Variants in PHF6 observed in about 807,000 individuals in gnomAD.
PHF6 encodes PHD-like zinc finger protein.
In PHF6, 7 loss-of-function variants were observed where a neutral mutation model predicts 34.0. The ratio of observed to expected loss-of-function variants is 0.21; its 90% CI spans 0.12 to 0.39. The LOEUF (loss-of-function observed/expected upper bound fraction) is 0.39. PHF6 is among the 10% of genes least tolerant of loss of function. The pLI is 1.00. For missense variants in PHF6, 128 were observed against 262.8 expected, an observed-to-expected ratio of 0.49 and a Z score of 3.55; for synonymous variants, 89 against 88.4, an observed-to-expected ratio of 1.01 and a Z score of -0.04.
At chrX:134,378,568 C>T (rs1209688625) in intron 3 of PHF6, among the ~76,000 whole-genome samples, 2 of 112,242 alleles carry the variant, frequency 1.8e-5, no homozygotes, top group African/African-American at 6.5e-5. Context: ...AGCTGTATAA[C>T]ACAACATTTA....
At chrX:134,397,819 T>A (rs1275145364) in intron 5 of PHF6, among the ~76,000 whole-genome samples, 1 of 111,713 alleles carries the variant, frequency 9.0e-6, no homozygotes, top group East Asian at 2.8e-4. Context: ...ATTAGATGGG[T>A]CTCTGCCCCA....
At chrX:134,380,429 C>T (rs781254424) in intron 3 of PHF6, among the ~76,000 whole-genome samples, 23 of 111,183 alleles carry the variant, frequency 2.1e-4, no homozygotes, top group Non-Finnish European at 3.0e-4. Flanking sequence ...CCACCGCGCC[C>T]GGCCTTGGAC....
chrX:134,378,645 C>T (rs377409239), intron 3 of PHF6, among the ~76,000 whole-genome samples: 1 of 112,513 alleles, frequency 8.9e-6, no homozygotes, highest in African/African-American at 3.2e-5. Flanking sequence ...GTAATGTTCC[C>T]GTAGTTGTCT....
intron 5 of PHF6, among the ~76,000 whole-genome samples, chrX:134,394,537 C>T (rs1467810969): frequency 2.8e-5 from 3 of 108,840 alleles, no homozygotes; most frequent in African/African-American, 1.0e-4. Flanking sequence ...TGTTTCATTT[C>T]TTTGTGTTTT....
Position 134,393,577 on chromosome X carries a change from A to G in PHF6, c.317A>G (p.His106Arg). 8.3e-7 allele frequency: 1 copy of G among 1,206,838 alleles called. No individual in the cohort carries two copies. The highest frequency in any genetic ancestry group is 1.1e-6 in the Non-Finnish European group (1 of 891,147). ...VKTCHRTYHYHCALHDKAQIR... is the reference protein window; with the variant it reads ...VKTCHRTYHYRCALHDKAQIR... ...ACATGTCACAGGACATACCACTACC[A>G]CTGTGCATTGCATGATAAAGCTCAA... The change falls in exon 4 of 11, where the codon CAC (histidine) becomes CGC (arginine). Residue 106 changes from histidine to arginine, a missense_variant. Transcript: ENST00000370803.
At chrX:134,419,056 T>C (rs1384974102) in intron 9 of PHF6, 1 of 111,199 alleles carries the variant, frequency 9.0e-6, no homozygotes, top group Non-Finnish European at 1.9e-5. Context: ...TTTGTTTTGT[T>C]GCCCAGACTG....
rs770524300 is a variant in PHF6 at position 134,408,230 on chromosome X, AAGGAT to A, written c.419-5260_419-5256del. Among the ~76,000 whole-genome samples, 144 of 112,806 alleles carry A rather than the reference AAGGAT, an allele frequency of 1.3e-3. 1 individual carries two copies. The highest frequency in any genetic ancestry group is 4.5e-3 in the African/African-American group (140 of 31,159). ...GGCGTGAGCCACTGCGTCCAGGCCT[AAGGAT>A]TTATCTATTAATAAAATTGGTTATA... On this transcript the variant is annotated intron_variant, in intron 5 of 10. Coordinates refer to ENST00000370803, the MANE Select transcript of PHF6 (RefSeq NM_001015877.2).
At chrX:134,384,075 A>T (rs1443172625) in intron 3 of PHF6, among the ~76,000 whole-genome samples, 1 of 112,040 alleles carries the variant, frequency 8.9e-6, no homozygotes, top group Admixed American at 9.5e-5. Flanking sequence ...AAATAAAAAG[A>T]CCATTTCCAC....
chrX:134,415,665 C>T (rs1290424032), intron 8 of PHF6, among the ~76,000 whole-genome samples: 2 of 111,954 alleles, frequency 1.8e-5, no homozygotes, highest in East Asian at 2.8e-4. Context: ...AATGCTATGT[C>T]GGTTATTTCT....
At chrX:134,376,985 C>T (rs934074008) in intron 1 of PHF6, among the ~76,000 whole-genome samples, 5 of 111,758 alleles carry the variant, frequency 4.5e-5, no homozygotes, top group African/African-American at 1.6e-4. Flanking sequence ...TCTGTTCCCA[C>T]GGAGTATTCT....
At chrX:134,414,582 G>A (rs1430533695) in intron 7 of PHF6, among the ~76,000 whole-genome samples, 2 of 109,338 alleles carry the variant, frequency 1.8e-5, no homozygotes, top group African/African-American at 6.7e-5. Context: ...TACCTGGTGA[G>A]CTTTTTCCGA....
At chrX:134,396,160 A>G (rs1028993056) in intron 5 of PHF6, among the ~76,000 whole-genome samples, 1 of 111,682 alleles carries the variant, frequency 9.0e-6, no homozygotes, top group Admixed American at 9.6e-5. Context: ...TAAGTACATC[A>G]TGGAGAATGG....
intron 3 of PHF6, among the ~76,000 whole-genome samples, chrX:134,380,149 C>CTT (rs749900020): frequency 3.7e-4 from 36 of 96,292 alleles, no homozygotes; most frequent in African/African-American, 4.9e-4. Flanking sequence ...TTATTTGGAC[C>CTT]TTTTTTTTTT....
At chrX:134,375,557 G>T (rs1218398841) in intron 1 of PHF6, among the ~76,000 whole-genome samples, 1 of 111,594 alleles carries the variant, frequency 9.0e-6, no homozygotes, top group Non-Finnish European at 1.9e-5. Context: ...TGCTAGGATT[G>T]TATGGAAATT....
chrX:134,409,664 T>C (rs1022379715), intron 5 of PHF6, among the ~76,000 whole-genome samples: 1 of 110,181 alleles, frequency 9.1e-6, no homozygotes, highest in African/African-American at 3.3e-5. Context: ...CTTTTTTTTT[T>C]TTAACTTCAG....
chrX:134,414,013 T>G lies in PHF6; in HGVS notation c.729+47T>G, dbSNP rs369399204. 5.3e-5 allele frequency: 62 copies of G among 1,166,022 alleles called. No individual in the cohort carries two copies. The African/African-American group carries it at 1.0e-3, about 19-fold the overall frequency. Reference sequence around the variant, plus strand: ...CCAATTTTGTTTTTTTGTTGTTTGTTTTTCTTTGTTTCCCCTGTGATCTAA... The same window carrying G: ...CCAATTTTGTTTTTTTGTTGTTTGTGTTTCTTTGTTTCCCCTGTGATCTAA... On this transcript the variant is annotated intron_variant, in intron 7 of 10. Coordinates refer to ENST00000370803, the MANE Select transcript of PHF6 (RefSeq NM_001015877.2).
At chrX:134,389,467 A>G (rs982603847) in intron 3 of PHF6, among the ~76,000 whole-genome samples, 4 of 111,651 alleles carry the variant, frequency 3.6e-5, no homozygotes, top group Non-Finnish European at 7.5e-5. Context: ...TTGGAGAGCA[A>G]ATGTTTTGTG....
intron 5 of PHF6, among the ~76,000 whole-genome samples, chrX:134,408,875 G>A (rs1305435373): frequency 1.8e-5 from 2 of 111,389 alleles, no homozygotes; most frequent in African/African-American, 3.3e-5. Context: ...CACCATGCCC[G>A]GCTAATTTTT....
chrX:134,411,016 G>T (rs761633427), intron 5 of PHF6, among the ~76,000 whole-genome samples: 2 of 105,868 alleles, frequency 1.9e-5, no homozygotes, highest in South Asian at 8.5e-4. Flanking sequence ...GCAGTGGCGC[G>T]ATCTGGGCTT....
Sources: allele counts gnomAD v4.1 joint callset (sites outside exome capture counted in the v4.1 genomes callset), GRCh38; gene constraint gnomAD v4.1.1; transcripts MANE v1.5; gene names NCBI Gene and HGNC (gene_info 2026-07-23, HGNC 2026-07-21).